The following PLA2G6 variants were observed in gnomAD, a reference collection of about 807,000 sequenced individuals.
PLA2G6 encodes the protein 85/88 kDa calcium-independent phospholipase A2.
In PLA2G6, 62 loss-of-function variants were observed where a neutral mutation model predicts 83.8. That is an observed-to-expected ratio of 0.74 (90% CI 0.60 to 0.91). The LOEUF is 0.91. Ranked by LOEUF, PLA2G6 falls within the 40% of genes least tolerant of loss-of-function variation. The pLI, the probability that PLA2G6 is intolerant of heterozygous loss-of-function variation, is 0.00. For missense variants in PLA2G6, 944 were observed against 1,102.0 expected (o/e 0.86, Z 2.03); for synonymous variants, 417 against 449.8 (o/e 0.93, Z 0.92).
chr22:38,162,940 G>A (rs939287834), intron 2 of PLA2G6, among the ~76,000 whole-genome samples: 22 of 152,106 alleles, frequency 1.4e-4, no homozygotes, highest in African/African-American at 5.1e-4. Context: ...ACGGGGGTGT[G>A]TCTCTTCCCT....
chr22:38,178,983 G>A (rs2090742394), intron 1 of PLA2G6, among the ~76,000 whole-genome samples: 1 of 152,174 alleles, frequency 6.6e-6, no homozygotes, highest in African/African-American at 2.4e-5. Context: ...TATTTACAAA[G>A]GTTTTAGATG....
At chr22:38,122,310 CCAGT>C (rs1184438262) in intron 11 of PLA2G6, among the ~76,000 whole-genome samples, 1 of 152,124 alleles carries the variant, frequency 6.6e-6, no homozygotes, top group Non-Finnish European at 1.5e-5. Context: ...GGCAGGGGCA[CCAGT>C]CAGACATGTT....
At chr22:38,126,490 C>T (rs763451462) in intron 9 of PLA2G6, 41 bp from the exon 10 acceptor site, 1 of 1,510,530 alleles carries the variant, frequency 6.6e-7, no homozygotes, top group East Asian at 2.3e-5. Context: ...TCAGGTGGGT[C>T]CCCAAGCCCT....
chr22:38,178,252 C>T (rs1198840210), intron 1 of PLA2G6, among the ~76,000 whole-genome samples: 3 of 152,258 alleles, frequency 2.0e-5, no homozygotes, highest in Middle Eastern at 6.8e-3. Flanking sequence ...AGGCATTGTT[C>T]TAACCGCTGA....
Position 38,128,580 on chromosome 22 carries a change from G to A in PLA2G6, c.1187-150C>T. On this transcript the variant is annotated intron_variant, in intron 8 of 16. Transcript: ENST00000332509. The surrounding 1 kb of genome is among the most constrained non-coding windows in gnomAD (Gnocchi z 4.4). ...TGCTCCAGAGGCCTCAGCCCACCCT[G>A]ACAGGGAGTGCTGCCCCCAGGCTGG... 2.5e-6 allele frequency: 2 copies of A among 788,548 alleles called. No homozygotes were observed. The allele number at this position is 788,548 out of a possible 1,614,324, so 48.8% of individuals were successfully genotyped here. A position where few individuals can be genotyped will look rare whatever the true frequency, so the allele number is the denominator to read the frequency against.
At chr22:38,160,837 T>C (rs1046961385) in intron 2 of PLA2G6, among the ~76,000 whole-genome samples, 14 of 151,332 alleles carry the variant, frequency 9.3e-5, no homozygotes, top group Admixed American at 3.3e-4. Flanking sequence ...ACAGTGAGAC[T>C]CCATCTCAAA....
At position 38,123,731 on chromosome 22, in the gene PLA2G6, G is replaced by C. The variant is rs1327680636; in HGVS notation, c.1428-473C>G. ...GGAAGAAGCAGGGGAGGAGGGGGCA[G>C]GGAGGAAGGGAGAGGTTCATGCCAG... On this transcript the variant is annotated intron_variant, in intron 10 of 16. Coordinates refer to ENST00000332509, the MANE Select transcript of PLA2G6 (RefSeq NM_003560.4). This position sits in a 1 kb window ranked among gnomAD's most constrained non-coding sequence, Gnocchi z 4.1. 6.6e-6 allele frequency among the ~76,000 whole-genome samples: 1 copy of C among 152,156 alleles called. No individual in the cohort carries two copies. The highest frequency in any genetic ancestry group is 2.4e-5 in the African/African-American group (1 of 41,432).
At chr22:38,116,647 G>A (rs1437182368) in intron 12 of PLA2G6, among the ~76,000 whole-genome samples, 1 of 151,982 alleles carries the variant, frequency 6.6e-6, no homozygotes, top group Non-Finnish European at 1.5e-5. Flanking sequence ...CTGAGGTCAG[G>A]AGTTCGAGAC....
chr22:38,115,595 G>C lies in PLA2G6; in HGVS notation c.1966C>G (p.Leu656Val). The change falls in exon 14 of 17, where the codon CTG becomes GTG. Residue 656 changes from leucine (L) to valine (V), a missense_variant. Coordinates refer to ENST00000332509, the MANE Select transcript of PLA2G6 (RefSeq NM_003560.4). ...GCATCCAGCGTGGGGTTGTTGGCCA[G>C]CAGCCCACCGTCCAGGAAGCGCCCA... ...PNGRFLDGGL[L>V]ANNPTLDAMT... 1 of 1,613,230 alleles carries C rather than the reference G, an allele frequency of 6.2e-7. No individual in the cohort carries two copies. The highest frequency in any genetic ancestry group is 8.5e-7 in the Non-Finnish European group (1 of 1,179,856).
intron 15 of PLA2G6, chr22:38,112,819 G>A (rs373268044): frequency 1.0e-5 from 6 of 594,826 alleles, no homozygotes; most frequent in East Asian, 8.3e-5. Flanking sequence ...GATGATGAGT[G>A]GGGGAAAGGG....
chr22:38,151,361 C>T, intron 2 of PLA2G6, among the ~76,000 whole-genome samples: 1 of 152,076 alleles, frequency 6.6e-6, no homozygotes, highest in East Asian at 1.9e-4. Flanking sequence ...ATCCTCCCAC[C>T]TCAGCCTCCC....
At chr22:38,117,979 T>G (rs2087304071) in intron 12 of PLA2G6, among the ~76,000 whole-genome samples, 1 of 146,828 alleles carries the variant, frequency 6.8e-6, no homozygotes, top group African/African-American at 2.5e-5. Context: ...GAAATTGCAG[T>G]GAGCCGAGAT....
Position 38,169,861 on chromosome 22 carries a change from T to G in PLA2G6, c.-45-390A>C, listed in dbSNP as rs569292075. On this transcript the variant is annotated intron_variant, in intron 1 of 16. Coordinates refer to ENST00000332509, the MANE Select transcript of PLA2G6 (RefSeq NM_003560.4). The stretch of plus-strand genomic sequence containing the variant: ...AGTAATGCCCTGGGCAAATGGAGGG[T>G]TCTCACTAAATAAGTTACAGAGATA... Among the ~76,000 whole-genome samples, 75 of 151,970 alleles carry G rather than the reference T, an allele frequency of 4.9e-4. 2 individuals are homozygous for G. The highest frequency in any genetic ancestry group is 1.6e-4 in the Non-Finnish European group (11 of 67,992).
chr22:38,135,921 A>G (rs1007655242), intron 5 of PLA2G6: 1 of 152,236 alleles, frequency 6.6e-6, no homozygotes, highest in Non-Finnish European at 1.5e-5. Context: ...CACAACAGAC[A>G]AAAGGTGGAA....
chr22:38,167,788 T>G (rs2090277636), intron 2 of PLA2G6: 1 of 158,138 alleles, frequency 6.3e-6, no homozygotes, highest in Admixed American at 6.5e-5. Flanking sequence ...CCTGCCTTGC[T>G]CTTCTGTTGG....
At chr22:38,126,670 G>A (rs1185367462) in intron 9 of PLA2G6, 1 of 570,420 alleles carries the variant, frequency 1.8e-6, no homozygotes, top group Middle Eastern at 4.8e-4. Context: ...GGAAAGGGGG[G>A]CCCACTGCTC....
At position 38,169,268 on chromosome 22, in the gene PLA2G6, G is replaced by A. The variant is rs748921348; in HGVS notation, c.159C>T (p.Arg53=). ...QLILFQNTPN[R]TWDCVLVNPR... ...GGTTGACCAGGACGCAGTCCCAGGT[G>A]CGGTTGGGAGTGTTCTGGAACAGAA... The change falls in exon 2 of 17, where the codon CGC becomes CGT. Residue 53 remains arginine, a synonymous_variant. Transcript: ENST00000332509. 1.9e-6 allele frequency: 3 copies of A among 1,614,084 alleles called. No homozygotes were observed. Among genetic ancestry groups the A allele is most frequent in the Non-Finnish European group, 2.5e-6 (3 of 1,180,038 alleles).
chr22:38,139,852 C>T, intron 5 of PLA2G6, 130 bp downstream of exon 5: 1 of 748,080 alleles, frequency 1.3e-6, no homozygotes, highest in Non-Finnish European at 2.3e-6. Flanking sequence ...GGCTTGTGAA[C>T]CCGGGGCCTC....
intron 12 of PLA2G6, among the ~76,000 whole-genome samples, chr22:38,116,851 C>CA (rs57712042): frequency 0.046 from 1,718 of 37,322 alleles, 175 homozygotes; most frequent in African/African-American, 0.076. Flanking sequence ...AACTCCGTCT[C>CA]AAAAAAAAAA....
Sources: allele counts gnomAD v4.1 joint callset (sites outside exome capture counted in the v4.1 genomes callset), GRCh38; gene constraint gnomAD v4.1.1; non-coding constraint Gnocchi (gnomAD v3.1); transcripts MANE v1.5; gene names NCBI Gene and HGNC (gene_info 2026-07-23, HGNC 2026-07-21).